The following SCAPER variants were observed in gnomAD, a reference collection of about 807,000 sequenced individuals.
The protein encoded by SCAPER is S-phase cyclin A associated protein in the ER.
Under a neutral mutation model 182.2 loss-of-function variants are expected in SCAPER, and 98 were observed. The observed-to-expected ratio is 0.54, with a 90% confidence interval of 0.46 to 0.64. The LOEUF is 0.64. Ranked by LOEUF, SCAPER falls within the 30% of genes least tolerant of loss-of-function variation. The pLI is 0.00. For synonymous variants in SCAPER, 605 were observed against 564.6 expected, an observed-to-expected ratio of 1.07 and a Z score of -1.01; for missense variants, 1,432 against 1,690.0, an observed-to-expected ratio of 0.85 and a Z score of 2.68.
intron 3 of SCAPER, among the ~76,000 whole-genome samples, chr15:76,859,262 T>C (rs987584018): frequency 2.0e-5 from 3 of 152,218 alleles, no homozygotes; most frequent in East Asian, 1.9e-4. Flanking sequence ...TATCAACTTA[T>C]CTGACATAAG....
intron 23 of SCAPER, among the ~76,000 whole-genome samples, chr15:76,551,919 C>T (rs559748731): frequency 6.6e-6 from 1 of 152,130 alleles, no homozygotes; most frequent in East Asian, 1.9e-4. Flanking sequence ...CATTGCTCCT[C>T]TTTCTTTGGC....
chr15:76,847,837 C>A (rs931658472), intron 4 of SCAPER, among the ~76,000 whole-genome samples: 6 of 152,136 alleles, frequency 3.9e-5, no homozygotes, highest in African/African-American at 1.4e-4. Context: ...GGAAGGACTG[C>A]TTGAGCCCAG....
At chr15:76,825,023 GAATA>G (rs1185964558) in intron 5 of SCAPER, among the ~76,000 whole-genome samples, 5 of 152,062 alleles carry the variant, frequency 3.3e-5, no homozygotes, top group African/African-American at 7.2e-5. Context: ...CTGCCACTAA[GAATA>G]AATAGACAAA....
intron 8 of SCAPER, chr15:76,793,135 C>A: frequency 1.4e-6 from 1 of 719,566 alleles, no homozygotes; most frequent in South Asian, 2.6e-5. Context: ...TGCATGTGGT[C>A]ACTCTATCAT....
intron 23 of SCAPER, among the ~76,000 whole-genome samples, chr15:76,524,504 T>C (rs888919340): frequency 6.6e-6 from 1 of 152,048 alleles, no homozygotes; most frequent in Non-Finnish European, 1.5e-5. Flanking sequence ...AATATAAATA[T>C]AAGTGAATAT....
Position 76,510,387 on chromosome 15 carries a change from A to AAAC in SCAPER, c.2839-5416_2839-5414dup, listed in dbSNP as rs745841915. Among the ~76,000 whole-genome samples the AAAC allele has an allele frequency of 2.1e-4, 32 of 152,230 alleles. 1 individual carries two copies. Among genetic ancestry groups the AAAC allele is most frequent in the African/African-American group, 7.7e-4 (32 of 41,568 alleles). ...ACTCAAATTAGCAAGAAAAATTAGC[A>AAAC]AACAACAACAACAACAAACAAACAA... On this transcript the variant is annotated intron_variant, in intron 23 of 31. Coordinates refer to ENST00000563290, the MANE Select transcript of SCAPER (RefSeq NM_020843.4).
intron 24 of SCAPER, among the ~76,000 whole-genome samples, chr15:76,496,069 G>C (rs2040503929): frequency 6.6e-6 from 1 of 151,438 alleles, no homozygotes; most frequent in South Asian, 2.1e-4. Flanking sequence ...AGGTGGAAGG[G>C]GGGAAGGGAC....
chr15:76,716,629 AT>A (rs1567898584), intron 17 of SCAPER, among the ~76,000 whole-genome samples: 1 of 152,064 alleles, frequency 6.6e-6, no homozygotes, highest in Non-Finnish European at 1.5e-5. Context: ...AAAAATCTCA[AT>A]AAAAATCTTA....
intron 4 of SCAPER, among the ~76,000 whole-genome samples, chr15:76,843,168 T>G (rs1490887526): frequency 6.6e-6 from 1 of 152,186 alleles, no homozygotes; most frequent in Non-Finnish European, 1.5e-5. Flanking sequence ...TCATAAAGTA[T>G]ATCATTCAAA....
At position 76,347,967 on chromosome 15, in the gene SCAPER, A is replaced by G. The variant is rs914891912; in HGVS notation, c.*666T>C. 1 of 152,242 alleles carries G rather than the reference A, an allele frequency of 6.6e-6. No homozygotes were observed. Among genetic ancestry groups the G allele is most frequent in the African/African-American group, 2.4e-5 (1 of 41,472 alleles). 9.4% of individuals were successfully genotyped at this position (152,242 alleles called of 1,614,324 possible). On this transcript the variant is annotated 3_prime_UTR_variant, in exon 32 of 32. Transcript: ENST00000563290. ...TCACAACCATGTGAGAAAATACTCTAGGGTGATTCACTAGGACACATCTTT... is the reference window on the plus strand; with the variant it reads ...TCACAACCATGTGAGAAAATACTCTGGGGTGATTCACTAGGACACATCTTT...
intron 30 of SCAPER, among the ~76,000 whole-genome samples, chr15:76,353,257 T>C (rs1383199035): frequency 6.6e-6 from 1 of 152,242 alleles, no homozygotes; most frequent in Non-Finnish European, 1.5e-5. Context: ...AAAACACATC[T>C]TATGGTGGAA....
Position 76,774,770 on chromosome 15 carries a change from T to C in SCAPER, c.1035+85A>G, listed in dbSNP as rs553871600. 22 of 1,394,930 alleles carry C rather than the reference T, an allele frequency of 1.6e-5. No individual in the cohort carries two copies. In the South Asian group the frequency reaches 3.1e-4, roughly 19 times the overall value. The allele number at this position is 1,394,930 out of a possible 1,614,324, so 86.4% of individuals were successfully genotyped here. Reference sequence around the variant, plus strand: ...AAAATTTTCACAGTAAGTTAAAAAATGAAGTACAAAACTAAGACATTCCAG... The same window carrying C: ...AAAATTTTCACAGTAAGTTAAAAAACGAAGTACAAAACTAAGACATTCCAG... On this transcript the variant is annotated intron_variant, in intron 9 of 31. Transcript: ENST00000563290.
chr15:76,542,986 T>A (rs989576148), intron 23 of SCAPER, among the ~76,000 whole-genome samples: 5 of 152,156 alleles, frequency 3.3e-5, no homozygotes, highest in Admixed American at 2.0e-4. Context: ...TACAGAAAAA[T>A]ATATATATAC....
At position 76,542,548 on chromosome 15, in the gene SCAPER, A is replaced by T. The variant is rs201141057; in HGVS notation, c.2838+31610T>A. 2.0e-5 allele frequency among the ~76,000 whole-genome samples: 3 copies of T among 149,740 alleles called. No individual in the cohort carries two copies. The East Asian group carries it at 5.9e-4, about 29-fold the overall frequency. On this transcript the variant is annotated intron_variant, in intron 23 of 31. Transcript: ENST00000563290. The stretch of plus-strand genomic sequence containing the variant: ...CCATCTCAAAAATAAATAAATAAAT[A>T]AAAATAAAATAAAATAAAATAAAAT...
At position 76,746,696 on chromosome 15, in the gene SCAPER, T is replaced by C. The variant is rs115662479; in HGVS notation, c.1866+7112A>G. 9.1e-3 allele frequency among the ~76,000 whole-genome samples: 1,389 copies of C among 152,348 alleles called. 22 individuals carry two copies. Among genetic ancestry groups the C allele is most frequent in the African/African-American group, 0.032 (1,348 of 41,584 alleles). ...AAGATTACAAGACATAAGATCAATA[T>C]ATAAAAATTGATTGTGTGTCTACAC... On this transcript the variant is annotated intron_variant, in intron 15 of 31. Coordinates refer to ENST00000563290, the MANE Select transcript of SCAPER (RefSeq NM_020843.4).
At chr15:76,891,213 A>G (rs2074145197) in intron 1 of SCAPER, among the ~76,000 whole-genome samples, 1 of 152,236 alleles carries the variant, frequency 6.6e-6, no homozygotes, top group Non-Finnish European at 1.5e-5. Flanking sequence ...AGCCAAGATC[A>G]TACCGAATGG....
chr15:76,510,864 C>CGTGT (rs58154549), intron 23 of SCAPER, among the ~76,000 whole-genome samples: 52 of 150,610 alleles, frequency 3.5e-4, no homozygotes, highest in East Asian at 3.9e-4. Context: ...CTGGTGCGCG[C>CGTGT]GTGTGTGTGT....
intron 4 of SCAPER, among the ~76,000 whole-genome samples, chr15:76,847,738 C>G (rs756695504): frequency 3.3e-5 from 5 of 152,038 alleles, no homozygotes; most frequent in Non-Finnish European, 5.9e-5. Flanking sequence ...CTGGGCAACA[C>G]AGCAAGACCC....
At chr15:76,652,353 CACACACACACACACACACAT>C (rs2055193143) in intron 21 of SCAPER, among the ~76,000 whole-genome samples, 1 of 30,012 alleles carries the variant, frequency 3.3e-5, no homozygotes, top group African/African-American at 1.7e-4. Flanking sequence ...TACACACACA[CACACACACACACACACACAT>C]ATATATATAT....
Sources: gnomAD v4.1 joint callset for allele counts (sites outside exome capture counted in the v4.1 genomes callset) on GRCh38, gnomAD v4.1.1 for gene constraint, MANE v1.5 for transcripts, NCBI Gene and HGNC (gene_info 2026-07-23, HGNC 2026-07-21) for gene names.